The following CTNNB1 variants were observed in gnomAD, a reference collection of about 807,000 sequenced individuals.
CTNNB1 encodes catenin beta-1.
CTNNB1 carries 6 observed loss-of-function variants against 82.5 expected under a neutral mutation model. The observed-to-expected ratio is 0.07, with a 90% CI of 0.04 to 0.14. The LOEUF (loss-of-function observed/expected upper bound fraction) is 0.14. CTNNB1 is among the 10% of genes least tolerant of loss of function. The pLI is 1.00. For synonymous variants in CTNNB1, 312 were observed against 329.7 expected, an observed-to-expected ratio of 0.95 and a Z score of 0.58; for missense variants, 529 against 980.4, an observed-to-expected ratio of 0.54 and a Z score of 6.15.
chr3:41,220,404 T>TCACC (rs995564084), intron 1 of CTNNB1: 1 of 123,672 alleles, frequency 8.1e-6, no homozygotes, highest in Non-Finnish European at 1.7e-5. Flanking sequence ...ACCCACACCC[T>TCACC]CACCCACCCA....
intron 3 of CTNNB1, 39 bp downstream of exon 3, chr3:41,224,792 A>C: frequency 2.5e-6 from 4 of 1,603,580 alleles, no homozygotes; most frequent in Non-Finnish European, 3.4e-6. Context: ...TGAAAGTCAG[A>C]ATGCAGTTTT....
intron 1 of CTNNB1, among the ~76,000 whole-genome samples, chr3:41,220,177 A>C (rs2078009653): frequency 6.6e-6 from 1 of 152,150 alleles, no homozygotes; most frequent in Admixed American, 6.5e-5. Context: ...TTTCCCAGCC[A>C]TAAAGAGATT....
At chr3:41,216,263 G>A (rs2125603266) in intron 1 of CTNNB1, among the ~76,000 whole-genome samples, 1 of 152,324 alleles carries the variant, frequency 6.6e-6, no homozygotes, top group South Asian at 2.1e-4. Flanking sequence ...GTTAAAGTAT[G>A]TCAAAGGCAG....
chr3:41,214,207 G>A (rs776492583), intron 1 of CTNNB1, among the ~76,000 whole-genome samples: 12 of 152,022 alleles, frequency 7.9e-5, no homozygotes, highest in Non-Finnish European at 1.3e-4. Context: ...CAGCATCAGC[G>A]ACCTGTGACA....
At chr3:41,215,838 T>C (rs2077904975) in intron 1 of CTNNB1, among the ~76,000 whole-genome samples, 1 of 152,228 alleles carries the variant, frequency 6.6e-6, no homozygotes, top group Admixed American at 6.5e-5. Flanking sequence ...TAGTACTGTC[T>C]AGCTAGGCAT....
At chr3:41,232,277 A>T (rs943604432) in intron 7 of CTNNB1, among the ~76,000 whole-genome samples, 5 of 152,150 alleles carry the variant, frequency 3.3e-5, no homozygotes, top group Non-Finnish European at 5.9e-5. Flanking sequence ...AGTCTTAAAG[A>T]GGGGAAAGAA....
At chr3:41,213,322 C>T (rs180903627) in intron 1 of CTNNB1, among the ~76,000 whole-genome samples, 96 of 152,302 alleles carry the variant, frequency 6.3e-4, no homozygotes, top group African/African-American at 2.1e-3. Flanking sequence ...TTCTTCAGGT[C>T]TCAGCTTACA....
chr3:41,221,452 T>C (rs1263509730), intron 1 of CTNNB1: 1 of 152,030 alleles, frequency 6.6e-6, no homozygotes, highest in Non-Finnish European at 1.5e-5. Flanking sequence ...GTGATCCTCT[T>C]TGCCTCAGCC....
At chr3:41,211,424 A>T (rs1436977885) in intron 1 of CTNNB1, among the ~76,000 whole-genome samples, 1 of 152,160 alleles carries the variant, frequency 6.6e-6, no homozygotes, top group Admixed American at 6.5e-5. Context: ...GTACATGTGC[A>T]GGTTTGTTAG....
rs1360295347 is a variant in CTNNB1 at position 41,233,580 on chromosome 3, G to A, written c.1237G>A (p.Asp413Asn). The A allele has an allele frequency of 6.2e-7, 1 of 1,614,196 alleles. No homozygotes were observed. The highest frequency in any genetic ancestry group is 8.5e-7 in the Non-Finnish European group (1 of 1,180,034). ...TCTTGTTCAGCTTCTGGGTTCAGAT[G>A]ATATAAATGTGGTCACCTGTGCAGC... The part of the protein sequence containing the change: ...GTLVQLLGSD[D>N]INVVTCAAGI... The change falls in exon 9 of 15, where the codon GAT becomes AAT. Residue 413 changes from aspartate to asparagine, a missense_variant. Physicochemically the swap from Asp to Asn is conservative, Grantham distance 23. Around this residue, in one of 4 missense-constraint regions of CTNNB1, gnomAD observed 411 missense variants for 776.4 expected, o/e 0.53. Transcript: ENST00000349496.
intron 10 of CTNNB1, chr3:41,234,548 A>G (rs2078388558): frequency 1.9e-6 from 1 of 513,008 alleles, no homozygotes; most frequent in African/African-American, 1.9e-5. Context: ...TAGGTGTTTC[A>G]TAAAGTGTTC....
intron 1 of CTNNB1, among the ~76,000 whole-genome samples, chr3:41,212,117 G>C (rs945624894): frequency 5.9e-5 from 9 of 152,162 alleles, no homozygotes; most frequent in Non-Finnish European, 1.2e-4. Context: ...TGCCCATTGA[G>C]ATCTTCCTTG....
chr3:41,217,018 A>T (rs2125604318), intron 1 of CTNNB1, among the ~76,000 whole-genome samples: 1 of 152,260 alleles, frequency 6.6e-6, no homozygotes, highest in East Asian at 1.9e-4. Context: ...GTCATACATC[A>T]CATTGCTTCA....
intron 1 of CTNNB1, among the ~76,000 whole-genome samples, chr3:41,219,924 AC>A (rs1296685649): frequency 6.6e-6 from 1 of 152,216 alleles, no homozygotes; most frequent in Admixed American, 6.5e-5. Context: ...GTATAGACAT[AC>A]GATACAATCC....
At chr3:41,215,001 A>G (rs908203801) in intron 1 of CTNNB1, among the ~76,000 whole-genome samples, 1 of 152,114 alleles carries the variant, frequency 6.6e-6, no homozygotes, top group Non-Finnish European at 1.5e-5. Context: ...TGCTTTACAG[A>G]AAAAGTTTCC....
chr3:41,224,863 T>C (rs1575316054), intron 3 of CTNNB1, 91 bp from the exon 4 acceptor site: 2 of 1,600,966 alleles, frequency 1.2e-6, no homozygotes, highest in East Asian at 4.5e-5. Context: ...GAAAAGAGAG[T>C]AATAGCAATG....
At chr3:41,237,083 A>G (rs538540495) in intron 13 of CTNNB1, 2 of 352,978 alleles carry the variant, frequency 5.7e-6, no homozygotes, top group South Asian at 3.9e-5. Context: ...TTCTATTTGA[A>G]TTTCTGCTAT....
chr3:41,205,204 T>G (rs1464507193), intron 1 of CTNNB1, among the ~76,000 whole-genome samples: 1 of 152,208 alleles, frequency 6.6e-6, no homozygotes, highest in Non-Finnish European at 1.5e-5. Context: ...TCATGTCCTT[T>G]TTACCAGAAG....
intron 1 of CTNNB1, among the ~76,000 whole-genome samples, chr3:41,219,687 A>G (rs1314567996): frequency 2.0e-5 from 3 of 152,180 alleles, no homozygotes; most frequent in Admixed American, 6.5e-5. Context: ...AGCATGTTCA[A>G]TATGTTCTGT....
Sources: allele counts gnomAD v4.1 joint callset (sites outside exome capture counted in the v4.1 genomes callset), GRCh38; gene constraint gnomAD v4.1.1; regional missense constraint gnomAD v4.1.1; transcripts MANE v1.5; gene names NCBI Gene and HGNC (gene_info 2026-07-23, HGNC 2026-07-21).